CHST8: variants seen among roughly 807,000 people sequenced by gnomAD.
CHST8 encodes the protein GALNAC-4-ST1.
Under a neutral mutation model 15.0 loss-of-function variants are expected in CHST8, and 10 were observed. The ratio of observed to expected loss-of-function variants is 0.67; its 90% CI spans 0.41 to 1.13. The LOEUF (loss-of-function observed/expected upper bound fraction) is 1.13, where lower values mean the gene tolerates loss of function less well. Among genes scored for constraint, CHST8 ranks in the 50% most tolerant of loss-of-function variants. CHST8 has a pLI of 0.00. For missense variants in CHST8, 634 were observed against 608.2 expected (o/e 1.04, Z -0.45); for synonymous variants, 259 against 256.6 (o/e 1.01, Z -0.09).
At chr19:33,672,329 C>T (rs543432307) in intron 2 of CHST8, among the ~76,000 whole-genome samples, 32 of 152,194 alleles carry the variant, frequency 2.1e-4, no homozygotes, top group African/African-American at 7.7e-4. Context: ...TCCCCAGGAG[C>T]TAGGATTACA....
At chr19:33,641,161 C>T (rs1454901984) in intron 1 of CHST8, among the ~76,000 whole-genome samples, 1 of 152,194 alleles carries the variant, frequency 6.6e-6, no homozygotes, top group East Asian at 1.9e-4. Flanking sequence ...GTGGCTGTCC[C>T]GAGAGCCCTT....
chr19:33,698,338 G>A (rs898154582), intron 3 of CHST8, among the ~76,000 whole-genome samples: 3 of 151,110 alleles, frequency 2.0e-5, no homozygotes, highest in East Asian at 3.9e-4. Context: ...AGCTGAGATC[G>A]TGCCACTGCA....
intron 2 of CHST8, among the ~76,000 whole-genome samples, chr19:33,684,128 T>C (rs1185771702): frequency 6.6e-6 from 1 of 152,146 alleles, no homozygotes; most frequent in East Asian, 1.9e-4. Flanking sequence ...CTGGAATGTG[T>C]CCGTGATGGT....
At chr19:33,722,089 AT>A in intron 3 of CHST8, among the ~76,000 whole-genome samples, 1 of 148,760 alleles carries the variant, frequency 6.7e-6, no homozygotes, top group East Asian at 2.0e-4. Flanking sequence ...GGATGGATGG[AT>A]GGATGGATGG....
intron 3 of CHST8, among the ~76,000 whole-genome samples, chr19:33,743,472 T>C (rs994207110): frequency 6.6e-6 from 1 of 151,900 alleles, no homozygotes; most frequent in Non-Finnish European, 1.5e-5. Flanking sequence ...CGGCTAATTT[T>C]TTCTATTTTT....
At chr19:33,680,460 T>G (rs562301656) in intron 2 of CHST8, among the ~76,000 whole-genome samples, 1 of 152,316 alleles carries the variant, frequency 6.6e-6, no homozygotes, top group African/African-American at 2.4e-5. Flanking sequence ...CCAATTCTTG[T>G]CCCTGTCAAG....
chr19:33,635,294 C>T (rs1972179497), intron 1 of CHST8, among the ~76,000 whole-genome samples: 1 of 152,168 alleles, frequency 6.6e-6, no homozygotes, highest in African/African-American at 2.4e-5. Context: ...GCTTGCCCCT[C>T]CCTCCTCAAG....
At chr19:33,674,642 G>A (rs185941499) in intron 2 of CHST8, among the ~76,000 whole-genome samples, 2 of 152,320 alleles carry the variant, frequency 1.3e-5, no homozygotes, top group East Asian at 3.9e-4. Context: ...GGCGGAGAGG[G>A]GATGGAGCAG....
chr19:33,634,402 T>A lies in CHST8; in HGVS notation c.-164+12106T>A, dbSNP rs1191079965. On this transcript the variant is annotated intron_variant, in intron 1 of 4. Coordinates refer to ENST00000650847, the MANE Select transcript of CHST8 (RefSeq NM_001127895.2). ...TGAAAATTTCCTTTCGTCCCCAAAT[T>A]GTAGAACTCACTTCCATCCCCACAT... Among the ~76,000 whole-genome samples, 3 of 152,174 alleles carry A rather than the reference T, an allele frequency of 2.0e-5. No homozygotes were observed. In the East Asian group the frequency reaches 5.8e-4, roughly 29 times the overall value.
intron 3 of CHST8, among the ~76,000 whole-genome samples, chr19:33,708,591 A>G (rs1384957087): frequency 6.6e-6 from 1 of 152,222 alleles, no homozygotes; most frequent in African/African-American, 2.4e-5. Flanking sequence ...CTGTATGTCT[A>G]TTCTTTTGCC....
At chr19:33,652,195 C>G (rs1244008089) in intron 1 of CHST8, among the ~76,000 whole-genome samples, 1 of 151,908 alleles carries the variant, frequency 6.6e-6, no homozygotes, top group Non-Finnish European at 1.5e-5. Flanking sequence ...TTTGGCCTTA[C>G]ATTCTATTTT....
At chr19:33,719,663 A>G (rs1973740716) in intron 3 of CHST8, among the ~76,000 whole-genome samples, 1 of 151,536 alleles carries the variant, frequency 6.6e-6, no homozygotes, top group Non-Finnish European at 1.5e-5. Flanking sequence ...GATCCCCCAG[A>G]CACCCCAGGC....
At chr19:33,695,830 T>TC in intron 3 of CHST8, among the ~76,000 whole-genome samples, 6 of 142,748 alleles carry the variant, frequency 4.2e-5, no homozygotes, top group Admixed American at 6.8e-5. Context: ...TCTTTTTTTT[T>TC]TTTTTTTTTT....
chr19:33,724,142 A>G (rs1335208453), intron 3 of CHST8, among the ~76,000 whole-genome samples: 1 of 152,120 alleles, frequency 6.6e-6, no homozygotes, highest in African/African-American at 2.4e-5. Flanking sequence ...AGTCACTTCC[A>G]TGCAGCCACA....
chr19:33,762,198 G>A lies in CHST8; in HGVS notation c.131-9215G>A, dbSNP rs538898390. Among the ~76,000 whole-genome samples the A allele has an allele frequency of 1.6e-4, 24 of 152,328 alleles. 1 individual carries two copies. In the South Asian group the frequency reaches 3.9e-3, roughly 25 times the overall value. On this transcript the variant is annotated intron_variant, in intron 3 of 4. Transcript: ENST00000650847. Reference sequence around the variant, plus strand: ...GTAGAGGTCACTGCAGGCTCTGACCGAGGGATGCTGAGAAGCAGGAGCTGA... The same window carrying A: ...GTAGAGGTCACTGCAGGCTCTGACCAAGGGATGCTGAGAAGCAGGAGCTGA...
intron 3 of CHST8, among the ~76,000 whole-genome samples, chr19:33,736,981 G>A (rs1974098748): frequency 6.6e-6 from 1 of 152,094 alleles, no homozygotes; most frequent in African/African-American, 2.4e-5. Context: ...CTCCTAAGAT[G>A]CTAATTATAA....
chr19:33,712,598 G>A (rs191201971), intron 3 of CHST8, among the ~76,000 whole-genome samples: 11 of 152,308 alleles, frequency 7.2e-5, no homozygotes, highest in Admixed American at 3.3e-4. Context: ...GGAACTTGCC[G>A]TTAGTCCATT....
intron 2 of CHST8, among the ~76,000 whole-genome samples, chr19:33,687,267 AC>A (rs1166286674): frequency 6.6e-6 from 1 of 152,122 alleles, no homozygotes; most frequent in Non-Finnish European, 1.5e-5. Flanking sequence ...AAGGCAGTGA[AC>A]CCCAGGTCCT....
At chr19:33,709,311 AC>A (rs1358059936) in intron 3 of CHST8, among the ~76,000 whole-genome samples, 1 of 152,174 alleles carries the variant, frequency 6.6e-6, no homozygotes, top group African/African-American at 2.4e-5. Flanking sequence ...TAGGGGAAAA[AC>A]ATTCCATCTT....
Sources: allele counts gnomAD v4.1 joint callset (sites outside exome capture counted in the v4.1 genomes callset), GRCh38; gene constraint gnomAD v4.1.1; transcripts MANE v1.5; gene names NCBI Gene and HGNC (gene_info 2026-07-23, HGNC 2026-07-21).